The following ANKRD11 variants were observed in gnomAD, a reference collection of about 807,000 sequenced individuals.
The protein encoded by ANKRD11 is ankyrin repeat domain-containing protein 11.
In ANKRD11, 17 loss-of-function variants were observed where a neutral mutation model predicts 195.7. The observed-to-expected ratio is 0.09, with a 90% confidence interval of 0.06 to 0.13. The LOEUF is 0.13. ANKRD11 is among the 10% of genes least tolerant of loss of function. The probability of loss-of-function intolerance (pLI) is 1.00; values close to 1 mark genes in which losing one functional copy is unlikely to be tolerated. For synonymous variants in ANKRD11, 1,953 were observed against 1,528.1 expected, an observed-to-expected ratio of 1.28 and a Z score of -6.49; for missense variants, 3,735 against 3,566.1, an observed-to-expected ratio of 1.05 and a Z score of -1.21.
chr16:89,470,205 A>G (rs4785674), intron 1 of ANKRD11, among the ~76,000 whole-genome samples: 99,610 of 151,816 alleles, frequency 0.66, 33,203 homozygotes, highest in Middle Eastern at 0.86. Context: ...CATGCCTATA[A>G]TGTCACCGGC....
chr16:89,389,386 G>A (rs1230331291), intron 2 of ANKRD11, among the ~76,000 whole-genome samples: 2 of 151,886 alleles, frequency 1.3e-5, no homozygotes, highest in Admixed American at 6.6e-5. Flanking sequence ...AAAAATTCCT[G>A]GGCATGTAAA....
At chr16:89,312,814 G>A (rs1328518300) in intron 3 of ANKRD11, among the ~76,000 whole-genome samples, 3 of 152,200 alleles carry the variant, frequency 2.0e-5, no homozygotes, top group African/African-American at 4.8e-5. Flanking sequence ...GGTGGGACAC[G>A]CCGAGGCCCA....
intron 1 of ANKRD11, among the ~76,000 whole-genome samples, chr16:89,428,875 C>G (rs557664580): frequency 1.3e-5 from 2 of 152,276 alleles, no homozygotes; most frequent in Non-Finnish European, 2.9e-5. Context: ...GCCTGGGCAA[C>G]AGAGCAAGAC....
At chr16:89,275,727 G>A (rs1280702777) in intron 9 of ANKRD11, among the ~76,000 whole-genome samples, 2 of 152,220 alleles carry the variant, frequency 1.3e-5, no homozygotes, top group African/African-American at 4.8e-5. Flanking sequence ...CTGGGGGACT[G>A]TGGGCCGGAA....
chr16:89,283,791 A>C lies in ANKRD11; in HGVS notation c.2751T>G (p.Ser917=). The C allele has an allele frequency of 6.2e-7, 1 of 1,613,506 alleles. No homozygotes were observed. The highest frequency in any genetic ancestry group is 1.1e-5 in the South Asian group (1 of 91,076). Residue 917 remains serine, a synonymous_variant, in exon 9 of 13, where the codon TCT becomes TCG. Transcript: ENST00000301030. This position sits in a 1 kb window ranked among gnomAD's most constrained non-coding sequence, Gnocchi z 4.3. ...TTTCGGTCTGCTCTTTCCTCTTCTCAGAGTTTTTATCCAAATAGTCCCTGT... is the reference window on the plus strand; with the variant it reads ...TTTCGGTCTGCTCTTTCCTCTTCTCCGAGTTTTTATCCAAATAGTCCCTGT... The part of the protein sequence containing the change: ...KKDRDYLDKN[S]EKRKEQTEKH...
chr16:89,348,760 T>C (rs568993688), intron 2 of ANKRD11, among the ~76,000 whole-genome samples: 1 of 152,106 alleles, frequency 6.6e-6, no homozygotes. Flanking sequence ...TTATTGTACT[T>C]TGAATGGCTA....
At position 89,370,006 on chromosome 16, in the gene ANKRD11, T is replaced by C. The variant is rs548618628; in HGVS notation, c.-60+48278A>G. Among the ~76,000 whole-genome samples, 1,218 of 152,306 alleles carry C rather than the reference T, an allele frequency of 8.0e-3. 12 individuals carry two copies. Among genetic ancestry groups the C allele is most frequent in the Admixed American group, 0.014 (207 of 15,298 alleles). On this transcript the variant is annotated intron_variant, in intron 2 of 12. Transcript: ENST00000301030. ...TCAGAGAGGCTGGGGGCCTGGCCCC[T>C]TCAGGAAGAGCCAGGCCAAGACCAT... is the stretch of plus-strand genomic sequence containing the variant.
At chr16:89,430,490 G>A (rs1389107029) in intron 1 of ANKRD11, among the ~76,000 whole-genome samples, 3 of 150,784 alleles carry the variant, frequency 2.0e-5, no homozygotes. Flanking sequence ...CAACTCTCAC[G>A]CTCAGTCGTT....
chr16:89,483,129 C>A (rs1292736232), intron 1 of ANKRD11, among the ~76,000 whole-genome samples: 1 of 152,206 alleles, frequency 6.6e-6, no homozygotes, highest in Non-Finnish European at 1.5e-5. Context: ...CTTCCACACC[C>A]TCCATTTGCC....
intron 2 of ANKRD11, 124 bp downstream of exon 2, chr16:89,418,160 C>T (rs935053794): frequency 7.4e-6 from 3 of 408,142 alleles, no homozygotes; most frequent in South Asian, 3.4e-5. Context: ...AAATTCACAA[C>T]ATTTCGACAA....
At chr16:89,467,160 G>T (rs372485194) in intron 1 of ANKRD11, among the ~76,000 whole-genome samples, 14 of 152,274 alleles carry the variant, frequency 9.2e-5, no homozygotes, top group Non-Finnish European at 1.5e-5. Flanking sequence ...GGCCAGGAGC[G>T]GCGGCTCATG....
intron 2 of ANKRD11, among the ~76,000 whole-genome samples, chr16:89,408,564 C>T (rs1362746257): frequency 2.0e-5 from 3 of 152,146 alleles, no homozygotes; most frequent in East Asian, 3.9e-4. Context: ...CCCAGGCTGA[C>T]GAGCGTGAGC....
chr16:89,427,316 G>T (rs2042756333), intron 1 of ANKRD11, among the ~76,000 whole-genome samples: 1 of 152,198 alleles, frequency 6.6e-6, no homozygotes, highest in Non-Finnish European at 1.5e-5. Context: ...AAGACACAGT[G>T]TCTTTACGAC....
rs145796184 is a variant in ANKRD11 at position 89,350,297 on chromosome 16, T to C, written c.-59-33219A>G. Among the ~76,000 whole-genome samples, 91 of 152,284 alleles carry C rather than the reference T, an allele frequency of 6.0e-4. 1 individual carries two copies. Among genetic ancestry groups the C allele is most frequent in the African/African-American group, 2.1e-3 (86 of 41,542 alleles). On this transcript the variant is annotated intron_variant, in intron 2 of 12. Coordinates refer to ENST00000301030, the MANE Select transcript of ANKRD11 (RefSeq NM_013275.6). The stretch of plus-strand genomic sequence containing the variant: ...AGGTTCTTAACAAGTTAAACATTCA[T>C]GTAACATGTGACCGAGAAACCCAGA...
At chr16:89,479,942 CAAAAAAA>C (rs1184052902) in intron 1 of ANKRD11, among the ~76,000 whole-genome samples, 2 of 73,320 alleles carry the variant, frequency 2.7e-5, no homozygotes, top group Admixed American at 1.6e-4. Context: ...GACTCCATCT[CAAAAAAA>C]AAAAAAAAAA....
At chr16:89,350,911 C>T (rs189288780) in intron 2 of ANKRD11, among the ~76,000 whole-genome samples, 32 of 152,240 alleles carry the variant, frequency 2.1e-4, no homozygotes, top group African/African-American at 7.2e-5. Context: ...TTTCTTTCCA[C>T]GATTCAGCAG....
Position 89,485,607 on chromosome 16 carries a change from T to C in ANKRD11, c.-145+4638A>G, listed in dbSNP as rs140901884. On this transcript the variant is annotated intron_variant, in intron 1 of 12. Transcript: ENST00000301030. ...TAGCCCCTTACTGTAAACCCAAAAATCTAAAACAAGTCGCAATCTCCCAAA... is the reference window on the plus strand; with the variant it reads ...TAGCCCCTTACTGTAAACCCAAAAACCTAAAACAAGTCGCAATCTCCCAAA... Among the ~76,000 whole-genome samples, 212 of 152,194 alleles carry C rather than the reference T, an allele frequency of 1.4e-3. 3 individuals are homozygous for C. In the East Asian group the frequency reaches 0.038, roughly 27 times the overall value.
intron 2 of ANKRD11, among the ~76,000 whole-genome samples, chr16:89,376,719 G>A (rs931502824): frequency 8.5e-5 from 13 of 152,166 alleles, no homozygotes; most frequent in African/African-American, 2.2e-4. Flanking sequence ...GATTACAGGC[G>A]TGCGCCACCA....
At chr16:89,445,495 G>GC (rs908177204) in intron 1 of ANKRD11, among the ~76,000 whole-genome samples, 3 of 151,982 alleles carry the variant, frequency 2.0e-5, no homozygotes, top group African/African-American at 7.3e-5. Flanking sequence ...CAGTGCCCCA[G>GC]CCCCAAGGAG....
Sources: gnomAD v4.1 joint callset for allele counts (sites outside exome capture counted in the v4.1 genomes callset) on GRCh38, gnomAD v4.1.1 for gene constraint, Gnocchi (gnomAD v3.1) non-coding constraint, MANE v1.5 for transcripts, NCBI Gene and HGNC (gene_info 2026-07-23, HGNC 2026-07-21) for gene names.